CFDP1: variants seen among roughly 807,000 people sequenced by gnomAD.
CFDP1 encodes the protein heterochromatin-stabilizing protein CFDP1.
Under a neutral mutation model 40.1 loss-of-function variants are expected in CFDP1, and 31 were observed. The observed-to-expected ratio is 0.77, with a 90% CI of 0.58 to 1.04. The LOEUF (loss-of-function observed/expected upper bound fraction) is 1.04, where lower values mean the gene tolerates loss of function less well. Among genes scored for constraint, CFDP1 ranks in the 50% least tolerant of loss-of-function variants. CFDP1 has a pLI of 0.00. For missense variants in CFDP1, 423 were observed against 343.4 expected (o/e 1.23, Z -1.83); for synonymous variants, 167 against 120.0 (o/e 1.39, Z -2.56).
chr16:75,349,777 C>A (rs527303159), intron 5 of CFDP1, among the ~76,000 whole-genome samples: 3 of 139,796 alleles, frequency 2.1e-5, no homozygotes, highest in African/African-American at 7.9e-5. Context: ...TAGTTCTAAT[C>A]AATTTTTAGT....
chr16:75,355,635 A>C (rs1413425645), intron 5 of CFDP1, among the ~76,000 whole-genome samples: 1 of 152,110 alleles, frequency 6.6e-6, no homozygotes, highest in African/African-American at 2.4e-5. Flanking sequence ...AATAATCTCC[A>C]TGTGTCAAAG....
intron 4 of CFDP1, chr16:75,409,326 C>T (rs1567676496): frequency 1.3e-5 from 2 of 151,874 alleles, no homozygotes; most frequent in African/African-American, 4.8e-5. Flanking sequence ...TCTTTTTTTC[C>T]CCCACACCTG....
intron 5 of CFDP1, among the ~76,000 whole-genome samples, chr16:75,340,268 C>T (rs983355168): frequency 2.0e-5 from 3 of 152,132 alleles, no homozygotes; most frequent in African/African-American, 7.2e-5. Flanking sequence ...TGGGACATCA[C>T]CAACAATCAA....
chr16:75,380,640 G>C (rs571295293), intron 5 of CFDP1, among the ~76,000 whole-genome samples: 1 of 152,120 alleles, frequency 6.6e-6, no homozygotes, highest in South Asian at 2.1e-4. Flanking sequence ...TAGGAAGAAA[G>C]GTCTCTTTTA....
chr16:75,430,277 C>G (rs1298002225), intron 1 of CFDP1, among the ~76,000 whole-genome samples: 1 of 151,966 alleles, frequency 6.6e-6, no homozygotes, highest in Non-Finnish European at 1.5e-5. Context: ...TCAAGCAATT[C>G]CCCTGCCCCA....
chr16:75,398,945 T>A (rs1264294543), intron 4 of CFDP1, among the ~76,000 whole-genome samples: 1 of 150,878 alleles, frequency 6.6e-6, no homozygotes, highest in Admixed American at 6.7e-5. Flanking sequence ...TAGTCCCAGC[T>A]ACTCGGGAGG....
At chr16:75,402,794 C>T (rs1469978885) in intron 4 of CFDP1, among the ~76,000 whole-genome samples, 1 of 151,914 alleles carries the variant, frequency 6.6e-6, no homozygotes, top group Admixed American at 6.6e-5. Context: ...CCTTATAATG[C>T]CTAAATTTAA....
intron 5 of CFDP1, among the ~76,000 whole-genome samples, chr16:75,343,226 G>T (rs909248426): frequency 6.6e-6 from 1 of 152,110 alleles, no homozygotes; most frequent in Non-Finnish European, 1.5e-5. Flanking sequence ...GTTAAAAAAT[G>T]TTCCAGCAAA....
At chr16:75,322,793 C>T (rs901171878) in intron 5 of CFDP1, among the ~76,000 whole-genome samples, 2 of 151,514 alleles carry the variant, frequency 1.3e-5, no homozygotes, top group African/African-American at 4.9e-5. Flanking sequence ...ATCGGAAACA[C>T]TTCTGGTCCC....
chr16:75,400,314 G>C (rs190478645), intron 4 of CFDP1, among the ~76,000 whole-genome samples: 5 of 151,966 alleles, frequency 3.3e-5, no homozygotes. Context: ...AAAGAAGGTA[G>C]AAAGCAAGTA....
Position 75,349,944 on chromosome 16 carries a change from T to G in CFDP1, c.651-44762A>C, listed in dbSNP as rs116282555. Among the ~76,000 whole-genome samples, 298 of 151,952 alleles carry G rather than the reference T, an allele frequency of 2.0e-3. 1 individual carries two copies. The highest frequency in any genetic ancestry group is 6.6e-3 in the African/African-American group (273 of 41,452). On this transcript the variant is annotated intron_variant, in intron 5 of 6. Coordinates refer to ENST00000283882, the MANE Select transcript of CFDP1 (RefSeq NM_006324.3). ...AGAATAGAGATGGCATGAGTAGACATACTTGTCTTTTTCCTATCTTAGGAG... is the reference window on the plus strand; with the variant it reads ...AGAATAGAGATGGCATGAGTAGACAGACTTGTCTTTTTCCTATCTTAGGAG...
At chr16:75,418,992 A>C (rs2079243949) in intron 1 of CFDP1, 1 of 290,890 alleles carries the variant, frequency 3.4e-6, no homozygotes, top group Non-Finnish European at 7.2e-6. Context: ...ATTTTTAAAA[A>C]ATTAGTCAGG....
intron 5 of CFDP1, chr16:75,379,955 T>A (rs947331901): frequency 1.3e-5 from 2 of 151,858 alleles, no homozygotes; most frequent in Non-Finnish European, 2.9e-5. Flanking sequence ...CTGGGCAACA[T>A]GGTGGAACCC....
At chr16:75,407,821 T>C (rs1278778588) in intron 4 of CFDP1, among the ~76,000 whole-genome samples, 2 of 151,724 alleles carry the variant, frequency 1.3e-5, no homozygotes, top group Non-Finnish European at 2.9e-5. Flanking sequence ...AAACACAGTA[T>C]CACAGGCAGG....
At chr16:75,421,682 A>C (rs1320547130) in intron 1 of CFDP1, among the ~76,000 whole-genome samples, 3 of 152,224 alleles carry the variant, frequency 2.0e-5, no homozygotes, top group South Asian at 2.1e-4. Flanking sequence ...TGGAAGAAAC[A>C]AAGCCTGTAT....
At chr16:75,386,254 A>C (rs1361268641) in intron 5 of CFDP1, among the ~76,000 whole-genome samples, 1 of 152,216 alleles carries the variant, frequency 6.6e-6, no homozygotes, top group East Asian at 1.9e-4. Context: ...GCTATGTGTA[A>C]ATAAAGTTCA....
At chr16:75,324,686 T>C (rs1455068751) in intron 5 of CFDP1, 2 of 146,190 alleles carry the variant, frequency 1.4e-5, no homozygotes, top group Non-Finnish European at 3.0e-5. Context: ...GAGGTTGCAG[T>C]GAGTCGAGAT....
intron 5 of CFDP1, among the ~76,000 whole-genome samples, chr16:75,357,802 T>G (rs918698102): frequency 6.6e-6 from 1 of 152,258 alleles, no homozygotes; most frequent in Admixed American, 6.5e-5. Flanking sequence ...AGTAGCACTC[T>G]TAGCTTCCTT....
At chr16:75,349,680 A>AT (rs59380218) in intron 5 of CFDP1, among the ~76,000 whole-genome samples, 164 of 6,650 alleles carry the variant, frequency 0.025, 5 homozygotes, top group Middle Eastern at 0.1. Context: ...AAAAAAAAAA[A>AT]AAAAAAAAAA....
Sources: gnomAD v4.1 joint callset for allele counts (sites outside exome capture counted in the v4.1 genomes callset) on GRCh38, gnomAD v4.1.1 for gene constraint, MANE v1.5 for transcripts, NCBI Gene and HGNC (gene_info 2026-07-23, HGNC 2026-07-21) for gene names.